The following AGMO variants were observed in gnomAD, a reference collection of about 807,000 sequenced individuals.
The protein encoded by AGMO is glyceryl-ether monooxygenase.
Under a neutral mutation model 60.2 loss-of-function variants are expected in AGMO, and 75 were observed. That is an observed-to-expected ratio of 1.25 (90% CI 1.03 to 1.51). AGMO has a LOEUF of 1.51. Among genes scored for constraint, AGMO ranks in the 40% most tolerant of loss-of-function variants. The pLI, the probability that AGMO is intolerant of heterozygous loss-of-function variation, is 0.00. For synonymous variants in AGMO, 261 were observed against 177.1 expected (o/e 1.47, Z -3.76); for missense variants, 763 against 525.5 (o/e 1.45, Z -4.42).
At chr7:15,304,731 G>C (rs1388888564) in intron 12 of AGMO, among the ~76,000 whole-genome samples, 1 of 152,018 alleles carries the variant, frequency 6.6e-6, no homozygotes, top group East Asian at 1.9e-4. Flanking sequence ...GATGTTGTCT[G>C]CATGAATGGA....
intron 3 of AGMO, among the ~76,000 whole-genome samples, chr7:15,473,384 C>T (rs879242170): frequency 6.6e-6 from 1 of 152,008 alleles, no homozygotes; most frequent in African/African-American, 2.4e-5. Flanking sequence ...GGGACTCCTC[C>T]TTAACTCATT....
At chr7:15,205,581 C>T (rs1283618564) in intron 12 of AGMO, among the ~76,000 whole-genome samples, 1 of 151,996 alleles carries the variant, frequency 6.6e-6, no homozygotes, top group African/African-American at 2.4e-5. Context: ...AGTCATTTTG[C>T]TGAATGATAA....
intron 9 of AGMO, 26 bp downstream of exon 9, chr7:15,387,380 T>C: frequency 2.5e-6 from 4 of 1,606,266 alleles, no homozygotes; most frequent in Non-Finnish European, 3.4e-6. Flanking sequence ...ATCTTCACCA[T>C]CTCCAATTCT....
At chr7:15,185,174 C>T in the AGMO span, among the ~76,000 whole-genome samples, 1 of 151,928 alleles carries the variant, frequency 6.6e-6, no homozygotes, top group Middle Eastern at 3.4e-3. Flanking sequence ...TCTTAAATGC[C>T]TCCAAAAATA....
intron 5 of AGMO, among the ~76,000 whole-genome samples, chr7:15,405,029 A>G (rs1315518876): frequency 1.3e-5 from 2 of 151,914 alleles, no homozygotes; most frequent in African/African-American, 4.8e-5. Context: ...ATAAGGACTT[A>G]CACGTCTTAA....
chr7:15,478,178 G>C (rs1208817008), intron 3 of AGMO, among the ~76,000 whole-genome samples: 5 of 152,136 alleles, frequency 3.3e-5, no homozygotes, highest in African/African-American at 9.7e-5. Flanking sequence ...GCCTTAATTA[G>C]AAAATGGGCA....
intron 3 of AGMO, among the ~76,000 whole-genome samples, chr7:15,432,354 A>G (rs1781273676): frequency 9.1e-6 from 1 of 109,954 alleles, no homozygotes; most frequent in African/African-American, 3.2e-5. Context: ...ATACATACAT[A>G]TATATATACA....
chr7:15,411,565 T>C (rs1780607087), intron 5 of AGMO, among the ~76,000 whole-genome samples: 1 of 152,056 alleles, frequency 6.6e-6, no homozygotes, highest in Admixed American at 6.6e-5. Context: ...ACAATATTCA[T>C]ATTAAAGTTT....
chr7:15,265,145 A>G (rs919409444), intron 12 of AGMO, among the ~76,000 whole-genome samples: 1 of 152,170 alleles, frequency 6.6e-6, no homozygotes, highest in Non-Finnish European at 1.5e-5. Flanking sequence ...AGATGGATGC[A>G]GTTGGAGGCC....
intron 3 of AGMO, among the ~76,000 whole-genome samples, chr7:15,526,782 C>T (rs1163887934): frequency 1.3e-5 from 2 of 152,146 alleles, no homozygotes. Flanking sequence ...TTGTGTCTAG[C>T]AATTTTATCA....
At chr7:15,512,868 A>G (rs1783710632) in intron 3 of AGMO, among the ~76,000 whole-genome samples, 2 of 151,482 alleles carry the variant, frequency 1.3e-5, no homozygotes, top group South Asian at 2.1e-4. Flanking sequence ...TATATTTTGT[A>G]TAGTTTCTTT....
intron 10 of AGMO, among the ~76,000 whole-genome samples, chr7:15,368,197 G>A (rs77144292): frequency 2.2e-4 from 33 of 150,978 alleles, no homozygotes; most frequent in African/African-American, 8.0e-4. Flanking sequence ...GTGAAAGCCA[G>A]AATGTCTTAG....
At chr7:15,358,453 G>A (rs542868147) in intron 12 of AGMO, 9 of 470,824 alleles carry the variant, frequency 1.9e-5, no homozygotes, top group Non-Finnish European at 2.6e-5. Context: ...TTCCTAAAGG[G>A]TGAGATACGT....
At chr7:15,430,933 T>TTTTTTTTGG (rs1781218609) in intron 4 of AGMO, 72 bp downstream of exon 4, 4 of 788,618 alleles carry the variant, frequency 5.1e-6, no homozygotes, top group Non-Finnish European at 5.7e-6. Context: ...TTTTTTTTTT[T>TTTTTTTTGG]GAGGAAATAG....
rs375254517 is a variant in AGMO, at chr7:15,273,146, T to A, written c.1264-71787A>T. Among the ~76,000 whole-genome samples, 37 of 152,362 alleles carry A rather than the reference T, an allele frequency of 2.4e-4. No individual in the cohort carries two copies. The East Asian group carries it at 5.8e-3, about 24-fold the overall frequency. The stretch of plus-strand genomic sequence containing the variant: ...CTTTAGTTTAATTAGATCCCATTTG[T>A]CAATTTTGGCTTTTCTTGCCATTGC... On this transcript the variant is annotated intron_variant, in intron 12 of 12. Transcript: ENST00000342526.
rs916972600 is a variant in AGMO, at chr7:15,561,864, C to A, written c.-19G>T. On this transcript the variant is annotated 5_prime_UTR_variant, in exon 1 of 13. Transcript: ENST00000342526. ...TCTTCATTTCTGCCCTTGTCTGATT[C>A]CCAGCTGGAGAATATTTAGGATTCA... The A allele has an allele frequency of 3.8e-6, 6 of 1,584,068 alleles. No individual in the cohort carries two copies. The African/African-American group carries it at 6.8e-5, about 18-fold the overall frequency.
At chr7:15,133,910 C>A in the AGMO span, among the ~76,000 whole-genome samples, 1 of 152,150 alleles carries the variant, frequency 6.6e-6, no homozygotes, top group East Asian at 1.9e-4. Flanking sequence ...TCCAAACTGG[C>A]TTCTTTTCCC....
At chr7:15,280,038 C>G (rs1256409546) in intron 12 of AGMO, among the ~76,000 whole-genome samples, 1 of 152,152 alleles carries the variant, frequency 6.6e-6, no homozygotes, top group Non-Finnish European at 1.5e-5. Flanking sequence ...GTGATATAAT[C>G]TCAATTGAGG....
chr7:15,334,169 A>T (rs1026334008), intron 12 of AGMO, among the ~76,000 whole-genome samples: 10 of 152,136 alleles, frequency 6.6e-5, no homozygotes, highest in African/African-American at 2.4e-4. Context: ...AAAGATGTAA[A>T]GAGAAAATAA....
Sources: allele counts gnomAD v4.1 joint callset (sites outside exome capture counted in the v4.1 genomes callset), GRCh38; gene constraint gnomAD v4.1.1; transcripts MANE v1.5; gene names NCBI Gene and HGNC (gene_info 2026-07-23, HGNC 2026-07-21).